The following SPIRE2 variants were observed in gnomAD, a reference collection of about 807,000 sequenced individuals.
SPIRE2 encodes spire type actin nucleation factor 2.
SPIRE2 carries 76 observed loss-of-function variants against 80.7 expected under a neutral mutation model. The observed-to-expected ratio is 0.94, with a 90% CI of 0.78 to 1.14. SPIRE2 has a LOEUF of 1.14. SPIRE2 is among the 50% of genes most tolerant of loss of function. The pLI is 0.00. For synonymous variants in SPIRE2, 535 were observed against 432.6 expected (o/e 1.24, Z -2.94); for missense variants, 1,196 against 1,015.3 (o/e 1.18, Z -2.42).
intron 1 of SPIRE2, among the ~76,000 whole-genome samples, chr16:89,833,532 C>T (rs11864372): frequency 0.58 from 88,807 of 152,240 alleles, 26,947 homozygotes; most frequent in East Asian, 0.74. Context: ...TCAGCCCCTA[C>T]GCCCTGCTGG....
intron 13 of SPIRE2, 73 bp from the exon 14 acceptor site, chr16:89,869,494 G>C: frequency 9.9e-7 from 1 of 1,009,470 alleles, no homozygotes; most frequent in Non-Finnish European, 1.6e-6. Flanking sequence ...TGGGGAGGGA[G>C]GTCCCCTAGC....
At chr16:89,852,948 G>A (rs199855643) in intron 3 of SPIRE2, among the ~76,000 whole-genome samples, 3 of 57,580 alleles carry the variant, frequency 5.2e-5, no homozygotes, top group Admixed American at 2.2e-4. Flanking sequence ...CCCATGGCCC[G>A]TCTTCCATCC....
At chr16:89,834,252 A>C (rs1470499755) in intron 1 of SPIRE2, among the ~76,000 whole-genome samples, 1 of 129,422 alleles carries the variant, frequency 7.7e-6, no homozygotes, top group Non-Finnish European at 1.7e-5. Context: ...AGCATGGATA[A>C]GCATAGCCCG....
At chr16:89,837,232 A>G (rs991026956) in intron 1 of SPIRE2, among the ~76,000 whole-genome samples, 2 of 152,204 alleles carry the variant, frequency 1.3e-5, no homozygotes, top group South Asian at 2.1e-4. Flanking sequence ...CTGCATCTGT[A>G]ACAAGTTCCC....
At chr16:89,861,711 C>G (rs920545026) in intron 10 of SPIRE2, among the ~76,000 whole-genome samples, 1 of 152,212 alleles carries the variant, frequency 6.6e-6, no homozygotes, top group Non-Finnish European at 1.5e-5. Context: ...GGGGCCTGAT[C>G]TCGACTGAAG....
chr16:89,856,508 G>A lies in SPIRE2; in HGVS notation c.1102+272G>A, dbSNP rs183104844. Reference sequence around the variant, plus strand: ...CGCCCAGGATGGAGTGCAGTGGAGCGACCTCGGCTCACTGCAACCTCCGCC... The same window carrying A: ...CGCCCAGGATGGAGTGCAGTGGAGCAACCTCGGCTCACTGCAACCTCCGCC... On this transcript the variant is annotated intron_variant, in intron 7 of 14. Coordinates refer to ENST00000378247, the MANE Select transcript of SPIRE2 (RefSeq NM_032451.2). Among the ~76,000 whole-genome samples, 581 of 151,940 alleles carry A rather than the reference G, an allele frequency of 3.8e-3. 6 individuals carry two copies. The highest frequency in any genetic ancestry group is 0.013 in the African/African-American group (559 of 41,454).
chr16:89,836,389 G>A (rs1347519853), intron 1 of SPIRE2: 1 of 382,392 alleles, frequency 2.6e-6, no homozygotes, highest in South Asian at 1.8e-5. Flanking sequence ...AGAATCTGAG[G>A]GAGTGCCCAC....
intron 1 of SPIRE2, among the ~76,000 whole-genome samples, chr16:89,841,623 G>A (rs1314930370): frequency 2.0e-5 from 3 of 152,140 alleles, no homozygotes; most frequent in Non-Finnish European, 4.4e-5. Context: ...CCTGAGCCTC[G>A]ATTTCCTCAT....
chr16:89,840,978 A>G (rs2041500923), intron 1 of SPIRE2, among the ~76,000 whole-genome samples: 1 of 151,998 alleles, frequency 6.6e-6, no homozygotes, highest in Non-Finnish European at 1.5e-5. Context: ...GATTGTTTCA[A>G]AGAAGACTCC....
chr16:89,854,430 G>C (rs931210577), intron 4 of SPIRE2, 57 bp from the exon 5 acceptor site: 5 of 1,609,906 alleles, frequency 3.1e-6, no homozygotes, highest in Non-Finnish European at 4.2e-6. Flanking sequence ...GTCTCTGCCT[G>C]GGGGGCCGTG....
intron 7 of SPIRE2, among the ~76,000 whole-genome samples, chr16:89,856,764 A>T (rs1036008448): frequency 1.4e-4 from 21 of 152,042 alleles, no homozygotes; most frequent in African/African-American, 5.1e-4. Context: ...CTGGCCAAAA[A>T]TAAAAAATGA....
intron 12 of SPIRE2, among the ~76,000 whole-genome samples, chr16:89,865,734 C>T (rs995522694): frequency 1.3e-5 from 2 of 151,268 alleles, no homozygotes; most frequent in South Asian, 2.1e-4. Flanking sequence ...TTTGGGAGGC[C>T]AACGCTGGCA....
At chr16:89,831,530 T>C (rs2041382395) in intron 1 of SPIRE2, among the ~76,000 whole-genome samples, 1 of 150,162 alleles carries the variant, frequency 6.7e-6, no homozygotes, top group Admixed American at 6.6e-5. Flanking sequence ...CCCGAGTAGC[T>C]GGGACTACAT....
intron 12 of SPIRE2, among the ~76,000 whole-genome samples, chr16:89,867,249 A>G (rs1389279801): frequency 6.6e-6 from 1 of 151,158 alleles, no homozygotes; most frequent in African/African-American, 2.4e-5. Context: ...GGTTCAAGCA[A>G]TTCTCTGCCT....
intron 2 of SPIRE2, chr16:89,846,410 T>A (rs1007584274): frequency 2.0e-5 from 3 of 151,722 alleles, no homozygotes; most frequent in African/African-American, 7.3e-5. Flanking sequence ...CAACCTCGGC[T>A]AGTTGCAGCG....
chr16:89,835,743 G>T (rs1029633050), intron 1 of SPIRE2, among the ~76,000 whole-genome samples: 1 of 152,178 alleles, frequency 6.6e-6, no homozygotes, highest in Non-Finnish European at 1.5e-5. Context: ...AGCCCGTGCC[G>T]GGGAAGTCGA....
chr16:89,869,181 A>C (rs2041817408), intron 13 of SPIRE2, among the ~76,000 whole-genome samples: 1 of 149,844 alleles, frequency 6.7e-6, no homozygotes, highest in Admixed American at 6.7e-5. Context: ...GCAATGGAAA[A>C]ACTTCCACCT....
intron 12 of SPIRE2, among the ~76,000 whole-genome samples, chr16:89,864,638 C>T (rs2041773388): frequency 6.6e-6 from 1 of 152,208 alleles, no homozygotes; most frequent in African/African-American, 2.4e-5. Flanking sequence ...GCAGAAATGT[C>T]ATAATTCACA....
chr16:89,844,157 T>C (rs1365120578), intron 1 of SPIRE2, among the ~76,000 whole-genome samples: 1 of 150,552 alleles, frequency 6.6e-6, no homozygotes, highest in Non-Finnish European at 1.5e-5. Flanking sequence ...AATTTTTTTA[T>C]TTTTATTTTT....
Sources: allele counts gnomAD v4.1 joint callset (sites outside exome capture counted in the v4.1 genomes callset), GRCh38; gene constraint gnomAD v4.1.1; transcripts MANE v1.5; gene names NCBI Gene and HGNC (gene_info 2026-07-23, HGNC 2026-07-21).